Variants in ZNF44 observed in about 807,000 individuals in gnomAD.
ZNF44 encodes the protein gonadotropin inducible transcription repressor-2.
ZNF44 carries 9 observed loss-of-function variants against 11.7 expected under a neutral mutation model. That is an observed-to-expected ratio of 0.77 (90% CI 0.46 to 1.35). The LOEUF is 1.35. ZNF44 is among the 40% of genes most tolerant of loss of function. The pLI is 0.00. For synonymous variants in ZNF44, 224 were observed against 242.7 expected (o/e 0.92, Z 0.72); for missense variants, 696 against 743.1 (o/e 0.94, Z 0.74).
At chr19:12,243,243 C>CA (rs1175345372), downstream of ZNF44, among the ~76,000 whole-genome samples, 2 of 152,134 alleles carry the variant, frequency 1.3e-5, no homozygotes, top group East Asian at 3.8e-4. Flanking sequence ...TTACCACAGT[C>CA]AAATTAACAC....
At chr19:12,266,372 C>T in intron 5 of ZNF44, 5 of 979,712 alleles carry the variant, frequency 5.1e-6, no homozygotes, top group Non-Finnish European at 6.1e-6. Flanking sequence ...ACACCCTCAG[C>T]ACTTTCAGAG....
intron 1 of ZNF44, chr19:12,284,990 C>T: frequency 1.4e-6 from 1 of 716,138 alleles, no homozygotes; most frequent in South Asian, 1.5e-5. Context: ...CCCGGGGCTG[C>T]ACTGCCATCC....
chr19:12,266,726 G>T (rs1046541983), intron 5 of ZNF44, among the ~76,000 whole-genome samples: 3 of 152,182 alleles, frequency 2.0e-5, no homozygotes, highest in Admixed American at 2.0e-4. Context: ...TAAGAAACCA[G>T]CAGGACATGC....
intron 2 of ZNF44, among the ~76,000 whole-genome samples, chr19:12,233,300 A>G (rs143760989): frequency 5.9e-5 from 9 of 152,276 alleles, no homozygotes; most frequent in African/African-American, 2.2e-4. Flanking sequence ...TCTGTAAGAA[A>G]AAGTGCTCCT....
chr19:12,287,211 C>T (rs1967798036), intron 1 of ZNF44, among the ~76,000 whole-genome samples: 1 of 152,006 alleles, frequency 6.6e-6, no homozygotes, highest in African/African-American at 2.4e-5. Context: ...CCTCCCTCAT[C>T]CCCATGAGTC....
chr19:12,252,878 C>CTTTTTTTTTTT (rs753388314), intron 5 of ZNF44, among the ~76,000 whole-genome samples: 2 of 78,640 alleles, frequency 2.5e-5, no homozygotes, highest in African/African-American at 5.3e-5. Flanking sequence ...CTACAAGAAA[C>CTTTTTTTTTTT]TTTTTTTTTT....
Position 12,273,859 on chromosome 19 carries a change from C to T in ZNF44, c.396G>A (p.Glu132=), listed in dbSNP as rs777245958. The change falls in exon 4 of 4, where the codon GAG becomes GAA. Residue 132 remains glutamate, a synonymous_variant. Transcript: ENST00000355684. ...ATGACTTCTCTGCATATTCATGACA[C>T]TCCCGGTGTTTGTGTCCAGTATCAA... The part of the protein sequence containing the change: ...IRVDTGHKHR[E]CHEYAEKSYT... The T allele has an allele frequency of 8.7e-6, 14 of 1,614,062 alleles. No homozygotes were observed. The highest frequency in any genetic ancestry group is 3.3e-5 in the Admixed American group (2 of 60,002).
chr19:12,289,321 C>A (rs1435225064), intron 1 of ZNF44, among the ~76,000 whole-genome samples: 2 of 151,864 alleles, frequency 1.3e-5, no homozygotes, highest in East Asian at 1.9e-4. Flanking sequence ...AACAAACAAA[C>A]AAAAAAACAG....
At chr19:12,231,917 G>A (rs966511934) in intron 2 of ZNF44, among the ~76,000 whole-genome samples, 2 of 152,164 alleles carry the variant, frequency 1.3e-5, no homozygotes, top group African/African-American at 4.8e-5. Flanking sequence ...AAGACACAAA[G>A]TATAGAGAAA....
chr19:12,277,253 C>T (rs1316817523), intron 1 of ZNF44, among the ~76,000 whole-genome samples: 1 of 151,966 alleles, frequency 6.6e-6, no homozygotes, highest in Non-Finnish European at 1.5e-5. Flanking sequence ...TGACTGGTTC[C>T]CTGTAGATCA....
chr19:12,267,643 C>T (rs557217272), downstream of ZNF44, among the ~76,000 whole-genome samples: 5 of 152,040 alleles, frequency 3.3e-5, no homozygotes, highest in African/African-American at 1.2e-4. Context: ...ACTCTGGGAG[C>T]TCAACATGTC....
chr19:12,261,099 A>T (rs1347952861), intron 5 of ZNF44, among the ~76,000 whole-genome samples: 1 of 152,152 alleles, frequency 6.6e-6, no homozygotes, highest in Non-Finnish European at 1.5e-5. Context: ...GAAATGGCTT[A>T]AAAAAGCAAG....
At chr19:12,225,666 A>C (rs1915884331), downstream of ZNF44, among the ~76,000 whole-genome samples, 1 of 152,200 alleles carries the variant, frequency 6.6e-6, no homozygotes, top group South Asian at 2.1e-4. Context: ...CCTACTGCAA[A>C]TAGTAGAGTG....
At chr19:12,274,266 CTTTTT>C (rs869093549) in intron 3 of ZNF44, among the ~76,000 whole-genome samples, 16 of 90,202 alleles carry the variant, frequency 1.8e-4, no homozygotes, top group African/African-American at 6.6e-4. Context: ...ATTCTTAATT[CTTTTT>C]TTTTTTTTTT....
rs563261582 is a variant in ZNF44 at position 12,233,842 on chromosome 19, T to A, written n.380+825A>T. 1.8e-4 allele frequency among the ~76,000 whole-genome samples: 28 copies of A among 152,042 alleles called. 1 individual carries two copies. The South Asian group carries it at 5.8e-3, about 32-fold the overall frequency. Reference sequence around the variant, plus strand: ...ACTTTGGGAGACCGAGGCAGGTGGATCATGAGGTCAGGAGTTCGAGACCAG... The same window carrying A: ...ACTTTGGGAGACCGAGGCAGGTGGAACATGAGGTCAGGAGTTCGAGACCAG... On this transcript the variant is annotated intron_variant and non_coding_transcript_variant, in intron 2 of 3. Coordinates refer to the ZNF44 transcript ENST00000597563.
downstream of ZNF44, among the ~76,000 whole-genome samples, chr19:12,271,037 GTGATGATGATGATGA>G (rs112180662): frequency 1.3e-5 from 2 of 151,068 alleles, no homozygotes; most frequent in South Asian, 4.2e-4. Flanking sequence ...TCCTCTACAA[GTGATGATGATGATGA>G]TGATGATGAT....
intron 1 of ZNF44, chr19:12,293,436 C>A: frequency 6.8e-7 from 1 of 1,476,186 alleles, no homozygotes; most frequent in Non-Finnish European, 9.0e-7. Context: ...ACTGAGAAGG[C>A]ATCTGTGCCT....
chr19:12,275,863 TC>T lies in ZNF44; in HGVS notation c.130+92del, dbSNP rs1441111547. The T allele has an allele frequency of 2.8e-6, 4 of 1,426,630 alleles. No individual in the cohort carries two copies. In the African/African-American group the frequency reaches 4.3e-5, roughly 15 times the overall value. 88.4% of individuals were successfully genotyped at this position (1,426,630 alleles called of 1,614,324 possible). A position where few individuals can be genotyped will look rare whatever the true frequency, so the allele number is the denominator to read the frequency against. Reference sequence around the variant, plus strand: ...CTGTGTTGTTCAGGAATGAACTGTATCCCTTTTCCATATTTCAAATCACTGA... The same window carrying T: ...CTGTGTTGTTCAGGAATGAACTGTATCCTTTTCCATATTTCAAATCACTGA... On this transcript the variant is annotated intron_variant, in intron 2 of 3. Transcript: ENST00000355684.
At chr19:12,259,034 C>T (rs944803206) in intron 5 of ZNF44, among the ~76,000 whole-genome samples, 5 of 151,884 alleles carry the variant, frequency 3.3e-5, no homozygotes, top group Non-Finnish European at 7.4e-5. Flanking sequence ...GCCACTACAC[C>T]CGGCTAATTT....
Sources: allele counts gnomAD v4.1 joint callset (sites outside exome capture counted in the v4.1 genomes callset), GRCh38; gene constraint gnomAD v4.1.1; transcripts MANE v1.5; gene names NCBI Gene and HGNC (gene_info 2026-07-23, HGNC 2026-07-21).